The following ANK2 variants were observed in gnomAD, a reference collection of about 807,000 sequenced individuals.
The protein encoded by ANK2 is ankyrin-2.
A neutral mutation model predicts 360.5 loss-of-function variants in ANK2; 83 were observed. The ratio of observed to expected loss-of-function variants is 0.23; its 90% CI spans 0.19 to 0.28. The LOEUF is 0.28. ANK2 is among the 10% of genes least tolerant of loss of function. ANK2 has a pLI of 1.00. For missense variants in ANK2, 4,201 were observed against 4,795.7 expected (o/e 0.88, Z 3.66); for synonymous variants, 1,740 against 1,759.5 (o/e 0.99, Z 0.28).
At position 113,354,375 on chromosome 4, in the gene ANK2, C is replaced by T. The variant is rs543514702; in HGVS notation, c.5757C>T (p.Ser1919=). 21 of 1,613,700 alleles carry T rather than the reference C, an allele frequency of 1.3e-5. No homozygotes were observed. Among genetic ancestry groups the T allele is most frequent in the Non-Finnish European group, 1.5e-5 (18 of 1,179,932 alleles). ...KTDKRPPVSP[S]GRTEKHPPVS... ...ACAAACGTCCACCTGTATCGCCCTC[C>T]GGGAGGACAGAAAAACACCCGCCAG... Residue 1919 remains serine, a synonymous_variant, in exon 38 of 46, where the codon TCC becomes TCT. Coordinates refer to ENST00000357077, the MANE Select transcript of ANK2 (RefSeq NM_001148.6).
the ANK2 span, among the ~76,000 whole-genome samples, chr4:112,731,672 G>T: frequency 1.9e-3 from 293 of 152,150 alleles, 1 homozygote; most frequent in African/African-American, 6.7e-3. Context: ...GTTTGAAGCT[G>T]CAGTGAGCCA....
intron 2 of ANK2, among the ~76,000 whole-genome samples, chr4:113,181,777 G>A (rs1401045743): frequency 6.6e-6 from 1 of 152,164 alleles, no homozygotes; most frequent in Non-Finnish European, 1.5e-5. Flanking sequence ...ATGTTCAAGG[G>A]CCAGCAAGGA....
At chr4:113,240,043 A>C (rs2038899487) in intron 7 of ANK2, among the ~76,000 whole-genome samples, 1 of 152,194 alleles carries the variant, frequency 6.6e-6, no homozygotes, top group Non-Finnish European at 1.5e-5. Flanking sequence ...GTCAACAAAT[A>C]CTGCTTTTTT....
chr4:113,167,584 G>A (rs2097791234), intron 1 of ANK2, among the ~76,000 whole-genome samples: 1 of 152,106 alleles, frequency 6.6e-6, no homozygotes, highest in Non-Finnish European at 1.5e-5. Context: ...ACAGGTGTGA[G>A]CCACTGCGCC....
intron 2 of ANK2, among the ~76,000 whole-genome samples, chr4:112,965,304 T>C (rs958671368): frequency 6.6e-6 from 1 of 152,232 alleles, no homozygotes; most frequent in African/African-American, 2.4e-5. Flanking sequence ...TGTCTTCTTT[T>C]GAGAAATGTC....
rs528559927 is a variant in ANK2, at chr4:113,318,159, A to G, written c.2796+350A>G. On this transcript the variant is annotated intron_variant, in intron 25 of 45. Coordinates refer to ENST00000357077, the MANE Select transcript of ANK2 (RefSeq NM_001148.6). Reference sequence around the variant, plus strand: ...TAAGATGAATGGTACAGGTTAAGTTATATCTTTCAATATTTAAAATTGTTA... The same window carrying G: ...TAAGATGAATGGTACAGGTTAAGTTGTATCTTTCAATATTTAAAATTGTTA... Among the ~76,000 whole-genome samples the G allele has an allele frequency of 8.5e-5, 13 of 152,336 alleles. No homozygotes were observed. The South Asian group carries it at 2.7e-3, about 32-fold the overall frequency.
At chr4:113,116,699 G>C (rs113946321) in intron 1 of ANK2, among the ~76,000 whole-genome samples, 86 of 151,752 alleles carry the variant, frequency 5.7e-4, no homozygotes, top group African/African-American at 2.0e-3. Flanking sequence ...GCAGTAGCAC[G>C]GCAGCAGCAG....
the ANK2 span, among the ~76,000 whole-genome samples, chr4:112,707,925 G>T: frequency 6.6e-6 from 1 of 152,158 alleles, no homozygotes; most frequent in African/African-American, 2.4e-5. Context: ...GTTATTGACT[G>T]GTGTCCTCTG....
At chr4:113,292,103 C>T (rs976166913) in intron 20 of ANK2, among the ~76,000 whole-genome samples, 1 of 152,136 alleles carries the variant, frequency 6.6e-6, no homozygotes, top group Non-Finnish European at 1.5e-5. Flanking sequence ...GAGCAGAAGT[C>T]GACTGCACCC....
intron 1 of ANK2, among the ~76,000 whole-genome samples, chr4:112,870,477 T>C (rs1485590687): frequency 6.6e-6 from 1 of 152,238 alleles, no homozygotes; most frequent in Non-Finnish European, 1.5e-5. Flanking sequence ...TTTAAGTTAA[T>C]TTTCCATATG....
At chr4:113,326,988 A>C (rs1390188861) in intron 26 of ANK2, among the ~76,000 whole-genome samples, 3 of 152,190 alleles carry the variant, frequency 2.0e-5, no homozygotes. Context: ...TGGGTAATAG[A>C]GTAAGACCCT....
At chr4:113,117,254 T>C (rs2094897858) in intron 1 of ANK2, 1 of 454,928 alleles carries the variant, frequency 2.2e-6, no homozygotes, top group Non-Finnish European at 4.4e-6. Flanking sequence ...TGGAAACTGA[T>C]CCTCTGCTAC....
chr4:112,917,181 T>G (rs1282212382), intron 2 of ANK2, among the ~76,000 whole-genome samples: 3 of 152,242 alleles, frequency 2.0e-5, no homozygotes, highest in Admixed American at 2.0e-4. Context: ...TACTTTATGC[T>G]ACCAACTTTC....
chr4:112,988,322 G>A (rs767645276), intron 2 of ANK2, among the ~76,000 whole-genome samples: 4 of 152,180 alleles, frequency 2.6e-5, no homozygotes, highest in Admixed American at 1.3e-4. Context: ...TCTAGTGACC[G>A]TGTTAGGAGC....
At chr4:112,871,266 A>G (rs1192402843) in intron 1 of ANK2, among the ~76,000 whole-genome samples, 1 of 151,918 alleles carries the variant, frequency 6.6e-6, no homozygotes, top group Non-Finnish European at 1.5e-5. Flanking sequence ...TCTCACTGCA[A>G]TCTCCGTCTC....
chr4:113,356,997 A>G lies in ANK2; in HGVS notation c.8379A>G (p.Leu2793=), dbSNP rs759220322. The G allele has an allele frequency of 6.2e-7, 1 of 1,614,066 alleles. No individual in the cohort carries two copies. The highest frequency in any genetic ancestry group is 8.5e-7 in the Non-Finnish European group (1 of 1,179,970). Residue 2793 remains leucine, a synonymous_variant, in exon 38 of 46, where the codon CTA becomes CTG. Transcript: ENST00000357077. ...CAGCTGCTCCTGTCTCTTCAGGTCT[A>G]CAGAGTCCGACTGGTGATGATGTTG... The part of the protein sequence containing the change: ...SSSAAPVSSG[L]QSPTGDDVDE...
the ANK2 span, among the ~76,000 whole-genome samples, chr4:112,727,908 C>T: frequency 6.6e-6 from 1 of 151,966 alleles, no homozygotes; most frequent in African/African-American, 2.4e-5. Flanking sequence ...ACGCGGGAGG[C>T]GGACGTTGCG....
the ANK2 span, among the ~76,000 whole-genome samples, chr4:112,780,354 T>C: frequency 6.6e-6 from 1 of 152,192 alleles, no homozygotes; most frequent in Non-Finnish European, 1.5e-5. Flanking sequence ...TAAATTCTAT[T>C]GCTGGCACAC....
Position 113,282,739 on chromosome 4 carries a change from T to C in ANK2, c.1946T>C (p.Leu649Pro). 6.2e-7 allele frequency: 1 copy of C among 1,613,986 alleles called. No homozygotes were observed. The highest frequency in any genetic ancestry group is 8.5e-7 in the Non-Finnish European group (1 of 1,179,930). The change falls in exon 18 of 46, where the codon CTG becomes CCG. Residue 649 changes from leucine (L) to proline (P), a missense_variant. This residue lies in a region of ANK2 where 1,268 missense variants were observed against 1,650.8 expected (regional missense o/e 0.77). Transcript: ENST00000357077. ...CAAATGCAGATAGCTTCCACACTCC[T>C]GAACTATGGAGCAGAGACAAACATT... ...KNQMQIASTL[L>P]NYGAETNIVT...
Sources: allele counts gnomAD v4.1 joint callset (sites outside exome capture counted in the v4.1 genomes callset), GRCh38; gene constraint gnomAD v4.1.1; regional missense constraint gnomAD v4.1.1; transcripts MANE v1.5; gene names NCBI Gene and HGNC (gene_info 2026-07-23, HGNC 2026-07-21).